ATP7A: variants seen among roughly 807,000 people sequenced by gnomAD.
The protein encoded by ATP7A is ATPase copper transporting alpha, also known as copper-transporting ATPase 1.
A neutral mutation model predicts 83.5 loss-of-function variants in ATP7A; 7 were observed. The observed-to-expected ratio is 0.08, with a 90% CI of 0.05 to 0.16. ATP7A has a LOEUF of 0.16. ATP7A is among the 10% of genes least tolerant of loss of function. The pLI, the probability that ATP7A is intolerant of heterozygous loss-of-function variation, is 1.00. For missense variants in ATP7A, 940 were observed against 1,120.8 expected (o/e 0.84, Z 2.30); for synonymous variants, 354 against 395.2 (o/e 0.90, Z 1.24).
rs2077657263 is a variant in ATP7A at position 77,989,485 on chromosome X, G to A, written c.863G>A (p.Cys288Tyr). 3 of 1,211,556 alleles carry A rather than the reference G, an allele frequency of 2.5e-6. No homozygotes were observed. The highest frequency in any genetic ancestry group is 4.3e-5 in the Admixed American group (2 of 45,996). Reference protein sequence around the residue: ...TATFIIDGMHCKSCVSNIEST... With the variant: ...TATFIIDGMHYKSCVSNIEST... ...ACTTTCATCATTGATGGCATGCATT[G>A]TAAATCATGTGTGTCAAATATTGAA... The change falls in exon 4 of 23, where the codon TGT becomes TAT. Residue 288 changes from cysteine to tyrosine, a missense_variant. Physicochemically the swap from Cys to Tyr is radical, Grantham distance 194. Around this residue, in one of 3 missense-constraint regions of ATP7A, gnomAD observed 350 missense variants for 432.8 expected, o/e 0.81. Transcript: ENST00000341514.
rs782758038 is a variant in ATP7A, at chrX:77,927,852, C to T, written c.-22+17017C>T. On this transcript the variant is annotated intron_variant, in intron 1 of 22. Transcript: ENST00000341514. ...GTCCAAGTGTTCTTATTGTTCAGTT[C>T]CCACCTATGAGTGAGAACATGCGGT... is the stretch of plus-strand genomic sequence containing the variant. Among the ~76,000 whole-genome samples the T allele has an allele frequency of 2.7e-5, 3 of 111,080 alleles. No homozygotes were observed. In the Admixed American group the frequency reaches 2.9e-4, roughly 11 times the overall value.
intron 1 of ATP7A, among the ~76,000 whole-genome samples, chrX:77,966,470 C>T (rs2149069896): frequency 8.9e-6 from 1 of 112,352 alleles, no homozygotes; most frequent in South Asian, 3.7e-4. Context: ...GAATGGAATA[C>T]CGATACATTT....
chrX:77,983,010 G>A (rs1270854210), intron 2 of ATP7A, among the ~76,000 whole-genome samples: 1 of 111,939 alleles, frequency 8.9e-6, no homozygotes, highest in Non-Finnish European at 1.9e-5. Context: ...CCTTCTCCCT[G>A]TGTCCTCACA....
Position 78,003,153 on chromosome X carries a change from A to T in ATP7A, c.1624A>T (p.Ile542Leu). 1 of 1,209,475 alleles carries T rather than the reference A, an allele frequency of 8.3e-7. No individual in the cohort carries two copies. Among genetic ancestry groups the T allele is most frequent in the Non-Finnish European group, 1.1e-6 (1 of 893,414 alleles). Residue 542 changes from isoleucine (I) to leucine (L), a missense_variant, in exon 6 of 23, where the codon ATA becomes TTA. By Grantham distance (5) the Ile-to-Leu change is conservative. Transcript: ENST00000341514. Reference sequence around the variant, plus strand: ...TCCTGCTGTTATACAACCCCCAATGATAGCAGAGTTCATCCGAGAACTTGG... The same window carrying T: ...TCCTGCTGTTATACAACCCCCAATGTTAGCAGAGTTCATCCGAGAACTTGG... Reference protein sequence around the residue: ...YNPAVIQPPMIAEFIRELGFG... With the variant: ...YNPAVIQPPMLAEFIRELGFG...
chrX:77,955,507 A>G (rs2077436315), intron 1 of ATP7A, among the ~76,000 whole-genome samples: 2 of 111,643 alleles, frequency 1.8e-5, no homozygotes, highest in African/African-American at 6.5e-5. Flanking sequence ...TTTGTTTTTA[A>G]AATTATTTTG....
chrX:78,011,605 G>T lies in ATP7A; in HGVS notation c.2103G>T (p.Leu701=), dbSNP rs1318545869. The change falls in exon 9 of 23, where the codon CTG becomes CTT. Residue 701 remains leucine, a synonymous_variant. Transcript: ENST00000341514. ...TCAACCTTCATTCTTCTATGTTCCT[G>T]GAGCGCCAGATTCTTCCAGGATTGT... ...EMINLHSSMF[L]ERQILPGLSV... 2 of 1,211,241 alleles carry T rather than the reference G, an allele frequency of 1.7e-6. No individual in the cohort carries two copies. The highest frequency in any genetic ancestry group is 5.9e-5 in the East Asian group (2 of 33,816).
At chrX:78,003,987 T>TA (rs1365548103) in intron 6 of ATP7A, among the ~76,000 whole-genome samples, 1 of 111,801 alleles carries the variant, frequency 8.9e-6, no homozygotes, top group East Asian at 2.8e-4. Context: ...ATTTATTATA[T>TA]AATTTTAAGA....
chrX:77,917,848 T>C (rs1464363673), intron 1 of ATP7A, among the ~76,000 whole-genome samples: 1 of 111,916 alleles, frequency 8.9e-6, no homozygotes, highest in African/African-American at 3.2e-5. Flanking sequence ...GCTAGACCAC[T>C]TGTGTCCCAG....
At chrX:77,948,337 A>G (rs1173042864) in intron 1 of ATP7A, among the ~76,000 whole-genome samples, 1 of 108,303 alleles carries the variant, frequency 9.2e-6, no homozygotes, top group Non-Finnish European at 1.9e-5. Flanking sequence ...CGTGTTAGCC[A>G]GGAAGGTCTC....
rs782525295 is a variant in ATP7A, at chrX:78,039,586, G to A, written c.3658+604G>A. Among the ~76,000 whole-genome samples the A allele has an allele frequency of 2.8e-3, 313 of 111,046 alleles. 1 individual carries two copies. The highest frequency in any genetic ancestry group is 0.01 in the African/African-American group (306 of 30,541). ...TGACCTCAGGTGATCCACCCACTTC[G>A]GCCTCCCAAAGTGCTGGGATTACAG... On this transcript the variant is annotated intron_variant, in intron 18 of 22. Coordinates refer to ENST00000341514, the MANE Select transcript of ATP7A (RefSeq NM_000052.7).
Position 78,009,487 on chromosome X carries a change from A to G in ATP7A, c.1869+224A>G, listed in dbSNP as rs2077802303. 3 of 410,449 alleles carry G rather than the reference A, an allele frequency of 7.3e-6. No individual in the cohort carries two copies. The Admixed American group carries it at 1.2e-4, about 17-fold the overall frequency. The allele number at this position is 410,449 out of a possible 1,213,427, so 33.8% of individuals were successfully genotyped here. On this transcript the variant is annotated intron_variant, in intron 7 of 22. Coordinates refer to ENST00000341514, the MANE Select transcript of ATP7A (RefSeq NM_000052.7). ...AGGTACATTTACACTATTAATCAGG[A>G]GCAAACAAGTTAGAACCACAAAACA... is the stretch of plus-strand genomic sequence containing the variant.
chrX:78,020,694 T>G (rs924491938), intron 13 of ATP7A, among the ~76,000 whole-genome samples: 1 of 110,064 alleles, frequency 9.1e-6, no homozygotes, highest in Non-Finnish European at 1.9e-5. Flanking sequence ...TTAAAAAAAT[T>G]TTTTTTTATA....
chrX:77,922,881 A>G (rs1445490256), intron 1 of ATP7A: 1 of 112,326 alleles, frequency 8.9e-6, no homozygotes, highest in Non-Finnish European at 1.9e-5. Context: ...CCTAAAAGAT[A>G]CATGAACTTA....
Position 77,973,163 on chromosome X carries a change from T to G in ATP7A, c.120+1402T>G, listed in dbSNP as rs187551287. Reference sequence around the variant, plus strand: ...CATTGAAAAAAATTAAAAAAATATTTAGGAACTTATGAAAAGCACATGAAA... The same window carrying G: ...CATTGAAAAAAATTAAAAAAATATTGAGGAACTTATGAAAAGCACATGAAA... On this transcript the variant is annotated intron_variant, in intron 2 of 22. Transcript: ENST00000341514. Among the ~76,000 whole-genome samples, 20 of 111,693 alleles carry G rather than the reference T, an allele frequency of 1.8e-4. 1 individual carries two copies. The East Asian group carries it at 3.6e-3, about 20-fold the overall frequency.
chrX:77,966,977 C>T (rs1344689350), intron 1 of ATP7A: 2 of 253,195 alleles, frequency 7.9e-6, no homozygotes, highest in African/African-American at 5.7e-5. Flanking sequence ...TGTTCAACTC[C>T]CATTTATGAA....
chrX:77,921,088 TG>T (rs1372395079), intron 1 of ATP7A, among the ~76,000 whole-genome samples: 1 of 112,344 alleles, frequency 8.9e-6, no homozygotes, highest in Non-Finnish European at 1.9e-5. Context: ...ATTCCATTGT[TG>T]GGTAATAACG....
intron 7 of ATP7A, among the ~76,000 whole-genome samples, chrX:78,010,790 A>AAG (rs2077816453): frequency 9.2e-6 from 1 of 108,806 alleles, no homozygotes; most frequent in African/African-American, 3.3e-5. Flanking sequence ...CGTGTTGGCC[A>AAG]TACTGCTCTC....
At chrX:77,992,397 G>A (rs1381051503) in intron 4 of ATP7A, among the ~76,000 whole-genome samples, 1 of 110,621 alleles carries the variant, frequency 9.0e-6, no homozygotes, top group African/African-American at 3.3e-5. Context: ...GAGATACATA[G>A]TTCTCTATTA....
chrX:78,033,413 G>T (rs2149107039), intron 16 of ATP7A, among the ~76,000 whole-genome samples, 192 bp from the exon 17 acceptor site: 1 of 112,983 alleles, frequency 8.9e-6, no homozygotes, highest in Admixed American at 9.3e-5. Flanking sequence ...AAGACTTTGA[G>T]GCTCTTCTGT....
Sources: allele counts gnomAD v4.1 joint callset (sites outside exome capture counted in the v4.1 genomes callset), GRCh38; gene constraint gnomAD v4.1.1; regional missense constraint gnomAD v4.1.1; transcripts MANE v1.5; gene names NCBI Gene and HGNC (gene_info 2026-07-23, HGNC 2026-07-21).